Variants in NDUFS4 observed in about 807,000 individuals in gnomAD.
NDUFS4 encodes the protein NADH:ubiquinone oxidoreductase subunit S4.
Under a neutral mutation model 24.3 loss-of-function variants are expected in NDUFS4, and 28 were observed. The observed-to-expected ratio is 1.15, with a 90% confidence interval of 0.85 to 1.58. The LOEUF is 1.58. NDUFS4 is among the 40% of genes most tolerant of loss of function. The probability of loss-of-function intolerance (pLI) is 0.00; values close to 1 mark genes in which losing one functional copy is unlikely to be tolerated. For synonymous variants in NDUFS4, 93 were observed against 69.7 expected (o/e 1.34, Z -1.67); for missense variants, 223 against 207.9 (o/e 1.07, Z -0.45).
intron 1 of NDUFS4, among the ~76,000 whole-genome samples, chr5:53,562,951 C>T (rs779608822): frequency 4.3e-5 from 6 of 140,422 alleles, no homozygotes; most frequent in East Asian, 4.2e-4. Flanking sequence ...AAGGAAGGGC[C>T]GGGCGCGGTG....
chr5:53,638,716 A>T (rs1037713812), intron 2 of NDUFS4, among the ~76,000 whole-genome samples: 1 of 152,116 alleles, frequency 6.6e-6, no homozygotes, highest in Admixed American at 6.6e-5. Context: ...TTAAAAAAAA[A>T]TTATCTTGAT....
chr5:53,564,730 C>T (rs1034565858), intron 1 of NDUFS4, among the ~76,000 whole-genome samples: 2 of 152,070 alleles, frequency 1.3e-5, no homozygotes, highest in East Asian at 1.9e-4. Context: ...TCAGTACAGA[C>T]GGGGTTTCAC....
intron 2 of NDUFS4, among the ~76,000 whole-genome samples, chr5:53,608,558 C>T (rs560299874): frequency 2.0e-5 from 3 of 152,168 alleles, no homozygotes; most frequent in Non-Finnish European, 4.4e-5. Context: ...ATTTCAGCAA[C>T]GTTCACAGTC....
intron 4 of NDUFS4, among the ~76,000 whole-genome samples, chr5:53,680,504 A>G (rs573593566): frequency 6.6e-6 from 1 of 152,212 alleles, no homozygotes; most frequent in Non-Finnish European, 1.5e-5. Flanking sequence ...ATGGAATACT[A>G]TGTAGCCATA....
chr5:53,642,914 C>A (rs1186734367), intron 2 of NDUFS4, among the ~76,000 whole-genome samples: 1 of 151,968 alleles, frequency 6.6e-6, no homozygotes, highest in Non-Finnish European at 1.5e-5. Context: ...ACTTGAATGC[C>A]CTTAATCTGT....
chr5:53,588,190 A>T (rs1749829635), intron 1 of NDUFS4, among the ~76,000 whole-genome samples: 3 of 152,174 alleles, frequency 2.0e-5, no homozygotes, highest in African/African-American at 7.2e-5. Context: ...GTGCAGTAGC[A>T]TTATGTCTAA....
intron 1 of NDUFS4, among the ~76,000 whole-genome samples, chr5:53,590,774 G>C (rs964494193): frequency 2.0e-5 from 3 of 151,976 alleles, no homozygotes; most frequent in African/African-American, 7.2e-5. Flanking sequence ...ATATTGTCGT[G>C]GTTTATACAT....
intron 4 of NDUFS4, among the ~76,000 whole-genome samples, chr5:53,668,451 C>CT (rs1366941382): frequency 8.6e-5 from 13 of 150,946 alleles, no homozygotes; most frequent in African/African-American, 1.7e-4. Context: ...TCTGGAAAAC[C>CT]TTTTTTTTGG....
chr5:53,668,616 ATTTTTTTTTTT>A (rs951595795), intron 4 of NDUFS4, among the ~76,000 whole-genome samples: 2 of 132,342 alleles, frequency 1.5e-5, no homozygotes, highest in Non-Finnish European at 3.2e-5. Flanking sequence ...TGTCCAGCTA[ATTTTTTTTTTT>A]TTTTTTTTTT....
At chr5:53,665,110 C>T (rs1752474683) in intron 4 of NDUFS4, among the ~76,000 whole-genome samples, 1 of 152,206 alleles carries the variant, frequency 6.6e-6, no homozygotes, top group Admixed American at 6.5e-5. Flanking sequence ...CCCTATTTGC[C>T]TGGGTATCAG....
intron 1 of NDUFS4, among the ~76,000 whole-genome samples, chr5:53,567,808 A>T (rs7731940): frequency 0.79 from 120,778 of 152,080 alleles, 48,193 homozygotes; most frequent in African/African-American, 0.87. Context: ...AAAGTATGCT[A>T]AATGAAATTC....
chr5:53,648,324 TAGAA>T (rs1165542508), intron 3 of NDUFS4, among the ~76,000 whole-genome samples: 2 of 152,164 alleles, frequency 1.3e-5, no homozygotes, highest in African/African-American at 4.8e-5. Flanking sequence ...TGGAAATTGT[TAGAA>T]AGGGGAACTA....
intron 1 of NDUFS4, among the ~76,000 whole-genome samples, chr5:53,592,304 A>G (rs962451594): frequency 2.6e-5 from 4 of 152,188 alleles, no homozygotes; most frequent in South Asian, 2.1e-4. Context: ...TCTTAATCAG[A>G]TATATAGTTT....
intron 2 of NDUFS4, among the ~76,000 whole-genome samples, chr5:53,630,056 C>T (rs1751361267): frequency 6.6e-6 from 1 of 152,114 alleles, no homozygotes; most frequent in South Asian, 2.1e-4. Flanking sequence ...TTCAGGAGTT[C>T]TTGTTAAGGC....
At chr5:53,597,757 C>T (rs1750173035) in intron 1 of NDUFS4, among the ~76,000 whole-genome samples, 1 of 152,108 alleles carries the variant, frequency 6.6e-6, no homozygotes, top group African/African-American at 2.4e-5. Context: ...ATCAGTTAGG[C>T]TTCATTAAGA....
chr5:53,660,876 G>A (rs191622382), intron 4 of NDUFS4, among the ~76,000 whole-genome samples: 6 of 152,234 alleles, frequency 3.9e-5, no homozygotes, highest in Admixed American at 3.9e-4. Context: ...ATTTGTTTGA[G>A]TTCATTGTAG....
intron 2 of NDUFS4, among the ~76,000 whole-genome samples, chr5:53,635,696 C>A (rs187170636): frequency 2.6e-5 from 4 of 152,238 alleles, no homozygotes; most frequent in Admixed American, 2.6e-4. Flanking sequence ...TACTGGTTTT[C>A]ATCTAGGCAT....
chr5:53,584,258 C>T (rs977810526), intron 1 of NDUFS4, among the ~76,000 whole-genome samples: 2 of 152,106 alleles, frequency 1.3e-5, no homozygotes, highest in Non-Finnish European at 2.9e-5. Flanking sequence ...GTGCGTAAGA[C>T]ATAATAGATA....
intron 2 of NDUFS4, among the ~76,000 whole-genome samples, chr5:53,616,880 C>A (rs1750855137): frequency 1.3e-5 from 2 of 152,042 alleles, no homozygotes; most frequent in South Asian, 2.1e-4. Flanking sequence ...TTTGAAGGAA[C>A]CTAATTTTTG....
Sources: allele counts gnomAD v4.1 joint callset (sites outside exome capture counted in the v4.1 genomes callset), GRCh38; gene constraint gnomAD v4.1.1; transcripts MANE v1.5; gene names NCBI Gene and HGNC (gene_info 2026-07-23, HGNC 2026-07-21).